MEPCE: variants seen among roughly 807,000 people sequenced by gnomAD.
MEPCE encodes methylphosphate capping enzyme.
MEPCE carries 9 observed loss-of-function variants against 52.3 expected under a neutral mutation model. The observed-to-expected ratio is 0.17, with a 90% CI of 0.10 to 0.30. MEPCE has a LOEUF of 0.30. MEPCE is among the 10% of genes least tolerant of loss of function. The probability of loss-of-function intolerance (pLI) is 1.00; values close to 1 mark genes in which losing one functional copy is unlikely to be tolerated. For synonymous variants in MEPCE, 477 were observed against 401.6 expected (o/e 1.19, Z -2.25); for missense variants, 826 against 933.0 (o/e 0.89, Z 1.49).
chr7:100,431,974 A>ACCTTC (rs1345230201), intron 1 of MEPCE, among the ~76,000 whole-genome samples: 1 of 152,146 alleles, frequency 6.6e-6, no homozygotes, highest in African/African-American at 2.4e-5. Context: ...ACACTGGTCC[A>ACCTTC]CCTTCCCTTC....
At chr7:100,432,365 G>A (rs940502007) in intron 1 of MEPCE, among the ~76,000 whole-genome samples, 4 of 152,170 alleles carry the variant, frequency 2.6e-5, no homozygotes, top group Non-Finnish European at 5.9e-5. Flanking sequence ...TGCCTACTGG[G>A]ATCTTTGGCA....
rs559607903 is a variant in MEPCE at position 100,430,860 on chromosome 7, G to A, written c.842G>A (p.Ser281Asn). The A allele has an allele frequency of 1.6e-5, 25 of 1,609,874 alleles. No individual in the cohort carries two copies. In the East Asian group the frequency reaches 5.4e-4, roughly 34 times the overall value. ...CAGCAGGCAGCCGGAGGGAGTGAGAGTCACCCCGTGCCGCCCACAGCCCCT... is the reference window on the plus strand; with the variant it reads ...CAGCAGGCAGCCGGAGGGAGTGAGAATCACCCCGTGCCGCCCACAGCCCCT... ...QQQQAAGGSE[S>N]HPVPPTAPLT... is the part of the protein sequence containing the mutation. Residue 281 changes from serine to asparagine, a missense_variant, in exon 1 of 4, where the codon AGT becomes AAT. Around this residue, in one of 7 missense-constraint regions of MEPCE, gnomAD observed 307 missense variants for 292.1 expected, o/e 1.05. Transcript: ENST00000310512.
chr7:100,429,090 C>T (rs1798317183), upstream of MEPCE: 1 of 152,278 alleles, frequency 6.6e-6, no homozygotes, highest in South Asian at 2.1e-4. Flanking sequence ...TCCACTCCCG[C>T]CCTTCCTTGG....
rs1472772491 is a variant in MEPCE, at chr7:100,430,071, C to T, written c.53C>T (p.Pro18Leu). The T allele has an allele frequency of 3.2e-6, 4 of 1,266,006 alleles. No homozygotes were observed. The highest frequency in any genetic ancestry group is 3.0e-6 in the Non-Finnish European group (3 of 1,005,884). The allele number at this position is 1,266,006 out of a possible 1,614,324, so 78.4% of individuals were successfully genotyped here. A position where few individuals can be genotyped will look rare whatever the true frequency, so the allele number is the denominator to read the frequency against. Residue 18 changes from proline to leucine, a missense_variant, in exon 1 of 4, where the codon CCG becomes CTG. By Grantham distance (98) the Pro-to-Leu change is moderately conservative. Around this residue, in one of 7 missense-constraint regions of MEPCE, gnomAD observed 314 missense variants for 277.7 expected, o/e 1.13. Coordinates refer to ENST00000310512, the MANE Select transcript of MEPCE (RefSeq NM_019606.6). The part of the protein sequence containing the change: ...KEPFLVPAPP[P>L]PLKDESGGGG... ...CCGTTTCTGGTGCCGGCCCCGCCGCCGCCGCTCAAAGATGAGTCGGGCGGA... is the reference window on the plus strand; with the variant it reads ...CCGTTTCTGGTGCCGGCCCCGCCGCTGCCGCTCAAAGATGAGTCGGGCGGA...
rs1196267344 is a variant in MEPCE at position 100,430,483 on chromosome 7, AGGGGGAGGC to A, written c.475_483del (p.Gly159_Gly161del). The A allele has an allele frequency of 7.6e-6, 12 of 1,572,122 alleles. No homozygotes were observed. Among genetic ancestry groups the A allele is most frequent in the Middle Eastern group, 1.7e-4 (1 of 5,888 alleles). ...GCAAGAGGAGAAATAGCTGTAATGT[AGGGGGAGGC>A]GGGGGAGGCTTCAAACATCCGGCCT... On this transcript the variant is annotated inframe_deletion, in exon 1 of 4. Transcript: ENST00000310512.
Position 100,430,855 on chromosome 7 carries a change from T to C in MEPCE, c.837T>C (p.Ser279=). ...AGCAGCAGCAGGCAGCCGGAGGGAG[T>C]GAGAGTCACCCCGTGCCGCCCACAG... ...HHQQQQAAGG[S]ESHPVPPTAP... The change falls in exon 1 of 4, where the codon AGT becomes AGC. Residue 279 remains serine (S), a synonymous_variant. Coordinates refer to ENST00000310512, the MANE Select transcript of MEPCE (RefSeq NM_019606.6). The C allele has an allele frequency of 4.3e-6, 7 of 1,609,294 alleles. No individual in the cohort carries two copies. Among genetic ancestry groups the C allele is most frequent in the Non-Finnish European group, 5.9e-6 (7 of 1,177,298 alleles).
At chr7:100,432,779 C>T (rs1336693223) in intron 1 of MEPCE, 140 bp from the exon 2 acceptor site, 1 of 756,014 alleles carries the variant, frequency 1.3e-6, no homozygotes, top group Non-Finnish European at 2.3e-6. Context: ...GGGCAGGCAC[C>T]TTTTGGGAGT....
At chr7:100,432,060 A>G (rs1289624268) in intron 1 of MEPCE, among the ~76,000 whole-genome samples, 4 of 152,152 alleles carry the variant, frequency 2.6e-5, no homozygotes, top group African/African-American at 9.7e-5. Context: ...GGAGCCTGAG[A>G]ATGGGAGTCA....
rs1798640664 is a variant in MEPCE, at chr7:100,430,640, A to G, written c.622A>G (p.Thr208Ala). The change falls in exon 1 of 4, where the codon ACT becomes GCT. Residue 208 changes from threonine (T) to alanine (A), a missense_variant. Around this residue, in one of 7 missense-constraint regions of MEPCE, gnomAD observed 307 missense variants for 292.1 expected, o/e 1.05. Coordinates refer to ENST00000310512, the MANE Select transcript of MEPCE (RefSeq NM_019606.6). Reference protein sequence around the residue: ...NSLLDEEVSRTLNAETPKSSP... With the variant: ...NSLLDEEVSRALNAETPKSSP... Reference sequence around the variant, plus strand: ...CCTCCTGGATGAGGAAGTGAGCCGCACTCTCAACGCGGAGACCCCTAAGTC... The same window carrying G: ...CCTCCTGGATGAGGAAGTGAGCCGCGCTCTCAACGCGGAGACCCCTAAGTC... 3.1e-6 allele frequency: 5 copies of G among 1,613,358 alleles called. No individual in the cohort carries two copies. The highest frequency in any genetic ancestry group is 1.3e-5 in the African/African-American group (1 of 74,874).
Position 100,430,029 on chromosome 7 carries a change from TGGC to T in MEPCE, c.17_19del (p.Ala6del). On this transcript the variant is annotated inframe_deletion, in exon 1 of 4. Coordinates refer to ENST00000310512, the MANE Select transcript of MEPCE (RefSeq NM_019606.6). ...GAATAAGGGGAGGAAATGATCGAGA[TGGC>T]GGCGGAGAAGGAGCCGTTTCTGGTG... 1 of 1,271,280 alleles carries T rather than the reference TGGC, an allele frequency of 7.9e-7. No individual in the cohort carries two copies. The highest frequency in any genetic ancestry group is 3.2e-5 in the East Asian group (1 of 31,736). The allele number at this position is 1,271,280 out of a possible 1,614,324, so 78.7% of individuals were successfully genotyped here. A position where few individuals can be genotyped will look rare whatever the true frequency, so the allele number is the denominator to read the frequency against.
chr7:100,431,830 C>T, intron 1 of MEPCE, 141 bp downstream of exon 1: 1 of 784,742 alleles, frequency 1.3e-6, no homozygotes, highest in Non-Finnish European at 2.0e-6. Flanking sequence ...GGGCGTCTCT[C>T]CCCTCTTATA....
In MEPCE at chr7:100,433,709, A is replaced by T; in HGVS notation, c.*155A>T. ...AAAGCTTTTCTTCCGTCGCTGCCTC[A>T]GCCTCCTCCCTATGCCTCTGGCACC... On this transcript the variant is annotated 3_prime_UTR_variant, in exon 4 of 4. Coordinates refer to ENST00000310512, the MANE Select transcript of MEPCE (RefSeq NM_019606.6). The T allele has an allele frequency of 1.3e-6, 1 of 761,798 alleles. No homozygotes were observed. Among genetic ancestry groups the T allele is most frequent in the East Asian group, 2.7e-5 (1 of 37,098 alleles). The allele number at this position is 761,798 out of a possible 1,614,324, so 47.2% of individuals were successfully genotyped here.
In MEPCE at chr7:100,430,194, G is replaced by C; in HGVS notation, c.176G>C (p.Gly59Ala). The C allele has an allele frequency of 7.7e-7, 1 of 1,300,316 alleles. No individual in the cohort carries two copies. The highest frequency in any genetic ancestry group is 9.7e-7 in the Non-Finnish European group (1 of 1,026,868). The allele number at this position is 1,300,316 out of a possible 1,614,324, so 80.5% of individuals were successfully genotyped here. A position where few individuals can be genotyped will look rare whatever the true frequency, so the allele number is the denominator to read the frequency against. The change falls in exon 1 of 4, where the codon GGG becomes GCG. Residue 59 changes from glycine (G) to alanine (A), a missense_variant. Physicochemically the swap from Gly to Ala is moderately conservative, Grantham distance 60 (BLOSUM62 0). This residue lies in a region of MEPCE where 314 missense variants were observed against 277.7 expected (regional missense o/e 1.13). Transcript: ENST00000310512. ...CCGGGTCGTTGCGCGCCATCTGCGG[G>C]GTCCCCAGCCGCTGCGGTCGGTCGG... is the stretch of plus-strand genomic sequence containing the variant. ...RGPGRCAPSA[G>A]SPAAAVGRES...
intron 1 of MEPCE, among the ~76,000 whole-genome samples, chr7:100,432,235 A>G (rs1798739184): frequency 6.6e-6 from 1 of 152,144 alleles, no homozygotes; most frequent in African/African-American, 2.4e-5. Context: ...TCCTCTCCAC[A>G]TTGACCCTAG....
rs1030723177 is a variant in MEPCE at position 100,429,831 on chromosome 7, C to G, written c.-188C>G. The G allele has an allele frequency of 4.6e-6, 2 of 439,524 alleles. No homozygotes were observed. Among genetic ancestry groups the G allele is most frequent in the East Asian group, 7.1e-5 (2 of 28,126 alleles). The allele number at this position is 439,524 out of a possible 1,614,324, so 27.2% of individuals were successfully genotyped here. ...CTCGAGTAGTTCGGGTCTCGCGGGCCTCTTGTTTTGGTCTCGCGGGCTAGT... is the reference window on the plus strand; with the variant it reads ...CTCGAGTAGTTCGGGTCTCGCGGGCGTCTTGTTTTGGTCTCGCGGGCTAGT... On this transcript the variant is annotated 5_prime_UTR_variant, in exon 1 of 4. Coordinates refer to ENST00000310512, the MANE Select transcript of MEPCE (RefSeq NM_019606.6).
rs1349864619 is a variant in MEPCE at position 100,430,663 on chromosome 7, G to A, written c.645G>A (p.Lys215=). Residue 215 remains lysine, a synonymous_variant, in exon 1 of 4, where the codon AAG becomes AAA. Transcript: ENST00000310512. ...VSRTLNAETP[K]SSPLPAKGRD... ...GCACTCTCAACGCGGAGACCCCTAAGTCATCCCCCCTTCCGGCCAAAGGGC... is the reference window on the plus strand; with the variant it reads ...GCACTCTCAACGCGGAGACCCCTAAATCATCCCCCCTTCCGGCCAAAGGGC... 6.2e-7 allele frequency: 1 copy of A among 1,613,778 alleles called. No individual in the cohort carries two copies. The highest frequency in any genetic ancestry group is 2.2e-5 in the East Asian group (1 of 44,884).
rs1278511333 is a variant in MEPCE, at chr7:100,430,891, C to T, written c.873C>T (p.Thr291=). ...SHPVPPTAPL[T]PLLHGEGASQ... ...CCGTGCCGCCCACAGCCCCTCTCACCCCCTTACTCCACGGGGAGGGCGCCT... is the reference window on the plus strand; with the variant it reads ...CCGTGCCGCCCACAGCCCCTCTCACTCCCTTACTCCACGGGGAGGGCGCCT... The change falls in exon 1 of 4, where the codon ACC becomes ACT. Residue 291 remains threonine, a synonymous_variant. Transcript: ENST00000310512. 2.5e-6 allele frequency: 4 copies of T among 1,609,280 alleles called. No homozygotes were observed. Among genetic ancestry groups the T allele is most frequent in the East Asian group, 2.2e-5 (1 of 44,806 alleles).
chr7:100,433,131 T>A lies in MEPCE; in HGVS notation c.1884T>A (p.Thr628=). ...QPWSSYGKRK[T]LTETIYKNYY... is the part of the protein sequence containing the mutation. ...GGTCGTCGTATGGCAAGAGAAAGAC[T>A]CTTACAGTGAGTTGGGTGTTGGGGG... Residue 628 remains threonine (T), a synonymous_variant, in exon 2 of 4, where the codon ACT becomes ACA. Transcript: ENST00000310512. 6.2e-7 allele frequency: 1 copy of A among 1,613,928 alleles called. No homozygotes were observed. The highest frequency in any genetic ancestry group is 8.5e-7 in the Non-Finnish European group (1 of 1,180,022).
Position 100,431,297 on chromosome 7 carries a change from C to T in MEPCE, c.1279C>T (p.Pro427Ser). 2 of 1,614,182 alleles carry T rather than the reference C, an allele frequency of 1.2e-6. No individual in the cohort carries two copies. The highest frequency in any genetic ancestry group is 1.7e-6 in the Non-Finnish European group (2 of 1,180,038). ...NYCKYYGYRN[P>S]SCEDGRLRVL... Reference sequence around the variant, plus strand: ...TTGCAAATACTATGGGTACCGCAATCCTTCCTGTGAGGATGGGCGCCTTCG... The same window carrying T: ...TTGCAAATACTATGGGTACCGCAATTCTTCCTGTGAGGATGGGCGCCTTCG... The change falls in exon 1 of 4, where the codon CCT becomes TCT. Residue 427 changes from proline to serine, a missense_variant. Physicochemically the swap from Pro to Ser is moderately conservative, Grantham distance 74. Coordinates refer to ENST00000310512, the MANE Select transcript of MEPCE (RefSeq NM_019606.6).
Sources: allele counts gnomAD v4.1 joint callset (sites outside exome capture counted in the v4.1 genomes callset), GRCh38; gene constraint gnomAD v4.1.1; regional missense constraint gnomAD v4.1.1; transcripts MANE v1.5; gene names NCBI Gene and HGNC (gene_info 2026-07-23, HGNC 2026-07-21).